FMNL1: variants seen among roughly 807,000 people sequenced by gnomAD.
FMNL1 encodes formin like 1.
A neutral mutation model predicts 121.3 loss-of-function variants in FMNL1; 43 were observed. The ratio of observed to expected loss-of-function variants is 0.35; its 90% CI spans 0.28 to 0.46. The LOEUF is 0.46. Among genes scored for constraint, FMNL1 ranks in the 20% least tolerant of loss-of-function variants. The probability of loss-of-function intolerance (pLI) is 1.00; values close to 1 mark genes in which losing one functional copy is unlikely to be tolerated. For synonymous variants in FMNL1, 613 were observed against 613.5 expected, an observed-to-expected ratio of 1.00 and a Z score of 0.01; for missense variants, 1,191 against 1,482.4, an observed-to-expected ratio of 0.80 and a Z score of 3.23.
Position 45,240,596 on chromosome 17 carries a change from A to C in FMNL1, c.1201A>C (p.Met401Leu). The C allele has an allele frequency of 6.2e-7, 1 of 1,613,860 alleles. No individual in the cohort carries two copies. The highest frequency in any genetic ancestry group is 1.1e-5 in the South Asian group (1 of 91,064). ...TETKNAVLEH[M>L]EELQEQVALL... ...GACCAAGAACGCTGTGCTGGAGCACATGGAGGAACTGCAGGAGCAAGTGGC... is the reference window on the plus strand; with the variant it reads ...GACCAAGAACGCTGTGCTGGAGCACCTGGAGGAACTGCAGGAGCAAGTGGC... Residue 401 changes from methionine to leucine, a missense_variant, in exon 12 of 27, where the codon ATG becomes CTG. Met to Leu is a conservative substitution (Grantham distance 15, BLOSUM62 2). Around this residue, in one of 4 missense-constraint regions of FMNL1, gnomAD observed 519 missense variants for 492.8 expected, o/e 1.05. Transcript: ENST00000331495.
intron 1 of FMNL1, among the ~76,000 whole-genome samples, chr17:45,229,211 G>A (rs2043390639): frequency 6.6e-6 from 1 of 152,246 alleles, no homozygotes; most frequent in Non-Finnish European, 1.5e-5. Flanking sequence ...TGGGGGCGGG[G>A]GGCCTGGCGG....
At chr17:45,242,580 G>C (rs1195305004) in intron 16 of FMNL1, 115 bp downstream of exon 16, 1 of 1,462,010 alleles carries the variant, frequency 6.8e-7, no homozygotes, top group African/African-American at 1.4e-5. Context: ...AGATGAGGAG[G>C]GGGAGGCCCA....
chr17:45,239,330 C>G, intron 11 of FMNL1: 1 of 457,856 alleles, frequency 2.2e-6, no homozygotes, highest in Non-Finnish European at 4.0e-6. Flanking sequence ...GTCTATGGAA[C>G]TGTTTTTGCA....
intron 1 of FMNL1, among the ~76,000 whole-genome samples, chr17:45,224,888 G>C (rs2043301172): frequency 1.3e-5 from 2 of 152,250 alleles, no homozygotes; most frequent in South Asian, 2.1e-4. Context: ...AGCCAGCGGG[G>C]CGCCAAGCTC....
chr17:45,237,188 TA>T lies in FMNL1; in HGVS notation c.724-90del. ...TTGCGGTTGGATACAAAGAACTTCC[TA>T]AACTCGAGGGCAGTTAAAGATCCAC... On this transcript the variant is annotated intron_variant, in intron 7 of 26. Coordinates refer to ENST00000331495, the MANE Select transcript of FMNL1 (RefSeq NM_005892.4). The surrounding 1 kb of genome is among the most constrained non-coding windows in gnomAD (Gnocchi z 4.4). The T allele has an allele frequency of 8.4e-7, 1 of 1,188,496 alleles. No individual in the cohort carries two copies. The highest frequency in any genetic ancestry group is 1.2e-6 in the Non-Finnish European group (1 of 808,202). 73.6% of individuals were successfully genotyped at this position (1,188,496 alleles called of 1,614,324 possible).
intron 9 of FMNL1, 159 bp from the exon 10 acceptor site, chr17:45,238,405 T>A: frequency 3.1e-6 from 2 of 637,970 alleles, no homozygotes; most frequent in Non-Finnish European, 2.7e-6. Context: ...TGAGGGAGAG[T>A]GGGAGATTGA....
At chr17:45,228,103 C>T (rs2043366100) in intron 1 of FMNL1, among the ~76,000 whole-genome samples, 2 of 152,174 alleles carry the variant, frequency 1.3e-5, no homozygotes, top group Admixed American at 1.3e-4. Flanking sequence ...GGGTCTGTTC[C>T]TGTTTTCAGG....
Position 45,243,314 on chromosome 17 carries a change from T to A in FMNL1, c.2207T>A (p.Ile736Asn). The A allele has an allele frequency of 6.2e-7, 1 of 1,613,244 alleles. No homozygotes were observed. Among genetic ancestry groups the A allele is most frequent in the Non-Finnish European group, 8.5e-7 (1 of 1,179,784 alleles). The change falls in exon 17 of 27, where the codon ATT (isoleucine) becomes AAT (asparagine). Residue 736 changes from isoleucine (I) to asparagine (N), a missense_variant. Physicochemically the swap from Ile to Asn is moderately radical, Grantham distance 149 (BLOSUM62 -3). This residue lies in a region of FMNL1 where 367 missense variants were observed against 528.6 expected (regional missense o/e 0.69). Transcript: ENST00000331495. ...GGGGCCGAGCGCATCTGCCAAGCCA[T>A]TGAGGCGTGAGTGTCCCTGTCCTGG... ...NLGAERICQAIEAYDLQALGL... is the reference protein window; with the variant it reads ...NLGAERICQANEAYDLQALGL...
At chr17:45,243,658 C>A in intron 17 of FMNL1, 133 bp from the exon 18 acceptor site, 1 of 909,904 alleles carries the variant, frequency 1.1e-6, no homozygotes, top group Non-Finnish European at 1.6e-6. Flanking sequence ...GGATTCCTAC[C>A]TCTTGCTCTC....
chr17:45,226,666 A>G (rs1013440751), intron 1 of FMNL1, among the ~76,000 whole-genome samples: 2 of 152,160 alleles, frequency 1.3e-5, no homozygotes, highest in African/African-American at 4.8e-5. Context: ...AGTGCTTAGA[A>G]CGGCACCTAG....
At position 45,233,978 on chromosome 17, in the gene FMNL1, C is replaced by T; in HGVS notation, c.486-94C>T. The T allele has an allele frequency of 6.6e-7, 1 of 1,514,846 alleles. No individual in the cohort carries two copies. Among genetic ancestry groups the T allele is most frequent in the African/African-American group, 1.4e-5 (1 of 72,378 alleles). 93.8% of individuals were successfully genotyped at this position (1,514,846 alleles called of 1,614,324 possible). On this transcript the variant is annotated intron_variant, in intron 5 of 26. Coordinates refer to ENST00000331495, the MANE Select transcript of FMNL1 (RefSeq NM_005892.4). The surrounding 1 kb of genome is among the most constrained non-coding windows in gnomAD (Gnocchi z 4.1). ...GCCTCCTCCTCCTGCTCCTTAGTCTCACCTGCAGGTCTGTCTCTCCTTGCG... is the reference window on the plus strand; with the variant it reads ...GCCTCCTCCTCCTGCTCCTTAGTCTTACCTGCAGGTCTGTCTCTCCTTGCG...
chr17:45,236,234 T>C lies in FMNL1; in HGVS notation c.713T>C (p.Met238Thr). ...HVCIMCLRAI[M>T]NYQSGFSLVM... is the part of the protein sequence containing the mutation. ...TGTATTATGTGCCTACGCGCCATCA[T>C]GAACTACCAGGTCAGCCGAGGGGCA... Residue 238 changes from methionine (M) to threonine (T), a missense_variant, in exon 7 of 27, where the codon ATG becomes ACG. Physicochemically the swap from Met to Thr is moderately conservative, Grantham distance 81. Around this residue, in one of 4 missense-constraint regions of FMNL1, gnomAD observed 253 missense variants for 417.5 expected, o/e 0.61. Coordinates refer to ENST00000331495, the MANE Select transcript of FMNL1 (RefSeq NM_005892.4). The C allele has an allele frequency of 6.2e-7, 1 of 1,613,888 alleles. No individual in the cohort carries two copies. The highest frequency in any genetic ancestry group is 8.5e-7 in the Non-Finnish European group (1 of 1,179,922).
Position 45,245,943 on chromosome 17 carries a change from C to A in FMNL1, c.3060C>A (p.Thr1020=). 1 of 1,583,362 alleles carries A rather than the reference C, an allele frequency of 6.3e-7. No individual in the cohort carries two copies. Among genetic ancestry groups the A allele is most frequent in the Non-Finnish European group, 8.6e-7 (1 of 1,168,996 alleles). Residue 1020 remains threonine, a synonymous_variant, in exon 24 of 27, where the codon ACC becomes ACA. Transcript: ENST00000331495. ...EAAAQEAGAD[T]PGKGEPPAPK... ...CTGCCCAGGAGGCAGGCGCTGATAC[C>A]CCGGGCAAAGGGGAGCCCCCAGCAC...
chr17:45,233,737 C>A lies in FMNL1; in HGVS notation c.485+6C>A. ...TTTGCCCAGTGCTCTGTCACGTAAGCCCCCTGCTCCCAGCCCTCATGCCGC... is the reference window on the plus strand; with the variant it reads ...TTTGCCCAGTGCTCTGTCACGTAAGACCCCTGCTCCCAGCCCTCATGCCGC... On this transcript the variant is annotated splice_donor_region_variant and intron_variant, in intron 5 of 26. Coordinates refer to ENST00000331495, the MANE Select transcript of FMNL1 (RefSeq NM_005892.4). This position sits in a 1 kb window ranked among gnomAD's most constrained non-coding sequence, Gnocchi z 4.1. 6.2e-7 allele frequency: 1 copy of A among 1,613,704 alleles called. No homozygotes were observed. Among genetic ancestry groups the A allele is most frequent in the Non-Finnish European group, 8.5e-7 (1 of 1,179,884 alleles).
chr17:45,245,249 C>A lies in FMNL1; in HGVS notation c.2729-4C>A. The stretch of plus-strand genomic sequence containing the variant: ...GACCTGATACTGCCCCATCCCTGGC[C>A]CAGTGTCCCTGGACAGTGTCCTGGC... On this transcript the variant is annotated splice_region_variant and splice_polypyrimidine_tract_variant and intron_variant, in intron 21 of 26. Coordinates refer to ENST00000331495, the MANE Select transcript of FMNL1 (RefSeq NM_005892.4). The A allele has an allele frequency of 6.2e-7, 1 of 1,614,164 alleles. No individual in the cohort carries two copies. The highest frequency in any genetic ancestry group is 8.5e-7 in the Non-Finnish European group (1 of 1,180,018).
At position 45,241,614 on chromosome 17, in the gene FMNL1, C is replaced by G; in HGVS notation, c.1565C>G (p.Pro522Arg). ...SGGDAPTPGVPTGSPSPDLAP... is the reference protein window; with the variant it reads ...SGGDAPTPGVRTGSPSPDLAP... ...GGTGATGCTCCGACTCCGGGGGTGC[C>G]GACCGGCTCCCCCAGCCCAGGTGCG... Residue 522 changes from proline (P) to arginine (R), a missense_variant, in exon 14 of 27, where the codon CCG becomes CGG. Around this residue, in one of 4 missense-constraint regions of FMNL1, gnomAD observed 519 missense variants for 492.8 expected, o/e 1.05. Coordinates refer to ENST00000331495, the MANE Select transcript of FMNL1 (RefSeq NM_005892.4). This position sits in a 1 kb window ranked among gnomAD's most constrained non-coding sequence, Gnocchi z 7.0. 6.6e-7 allele frequency: 1 copy of G among 1,522,126 alleles called. No individual in the cohort carries two copies. Among genetic ancestry groups the G allele is most frequent in the Non-Finnish European group, 8.8e-7 (1 of 1,131,832 alleles). 94.3% of individuals were successfully genotyped at this position (1,522,126 alleles called of 1,614,324 possible). A position where few individuals can be genotyped will look rare whatever the true frequency, so the allele number is the denominator to read the frequency against.
intron 17 of FMNL1, 31 bp from the exon 18 acceptor site, chr17:45,243,760 T>C (rs1171440682): frequency 6.3e-7 from 1 of 1,591,390 alleles, no homozygotes; most frequent in South Asian, 1.1e-5. Flanking sequence ...GTATGGATGA[T>C]GCCCAATCTC....
At chr17:45,227,399 T>G (rs1043597257) in intron 1 of FMNL1, among the ~76,000 whole-genome samples, 1 of 152,016 alleles carries the variant, frequency 6.6e-6, no homozygotes, top group Non-Finnish European at 1.5e-5. Context: ...GGTGAGCAGA[T>G]GCTGGGGGTC....
rs754482567 is a variant in FMNL1 at position 45,231,272 on chromosome 17, G to A, written c.213+585G>A. Among the ~76,000 whole-genome samples, 31 of 152,308 alleles carry A rather than the reference G, an allele frequency of 2.0e-4. No individual in the cohort carries two copies. Among genetic ancestry groups the A allele is most frequent in the African/African-American group, 6.7e-4 (28 of 41,588 alleles). On this transcript the variant is annotated intron_variant, in intron 2 of 26. Transcript: ENST00000331495. The surrounding 1 kb of genome is among the most constrained non-coding windows in gnomAD (Gnocchi z 4.7). ...GGCCATGGGCCGACCCTCTCCCAGC[G>A]CTGGGCTGGGTGGGGCTCGGCTGCC... is the stretch of plus-strand genomic sequence containing the variant.
Sources: allele counts gnomAD v4.1 joint callset (sites outside exome capture counted in the v4.1 genomes callset), GRCh38; gene constraint gnomAD v4.1.1; regional missense constraint gnomAD v4.1.1; non-coding constraint Gnocchi (gnomAD v3.1); transcripts MANE v1.5; gene names NCBI Gene and HGNC (gene_info 2026-07-23, HGNC 2026-07-21).